PCSK2: variants seen among roughly 807,000 people sequenced by gnomAD.
The protein encoded by PCSK2 is neuroendocrine convertase 2.
Under a neutral mutation model 69.7 loss-of-function variants are expected in PCSK2, and 14 were observed. The ratio of observed to expected loss-of-function variants is 0.20; its 90% CI spans 0.13 to 0.31. The LOEUF is 0.31. Ranked by LOEUF, PCSK2 falls within the 10% of genes least tolerant of loss-of-function variation. The pLI is 1.00. For synonymous variants in PCSK2, 307 were observed against 320.7 expected (o/e 0.96, Z 0.46); for missense variants, 544 against 842.5 (o/e 0.65, Z 4.39).
At position 17,482,157 on chromosome 20, in the gene PCSK2, C is replaced by G; in HGVS notation, c.*87C>G. 3.2e-6 allele frequency: 4 copies of G among 1,261,722 alleles called. No individual in the cohort carries two copies. Among genetic ancestry groups the G allele is most frequent in the Non-Finnish European group, 4.3e-6 (4 of 929,430 alleles). 78.2% of individuals were successfully genotyped at this position (1,261,722 alleles called of 1,614,324 possible). On this transcript the variant is annotated 3_prime_UTR_variant, in exon 12 of 12. Transcript: ENST00000262545. ...CGTTTCAGGCAGGCACCTAGCAATT[C>G]CATCACCCGTACAGGCAATTCCGTC... is the stretch of plus-strand genomic sequence containing the variant.
At chr20:17,410,160 G>C (rs180811250) in intron 6 of PCSK2, among the ~76,000 whole-genome samples, 28 of 152,012 alleles carry the variant, frequency 1.8e-4, no homozygotes, top group Non-Finnish European at 1.9e-4. Flanking sequence ...ACTCTAAGTA[G>C]CACATAAAAC....
intron 11 of PCSK2, among the ~76,000 whole-genome samples, chr20:17,480,306 C>T (rs1027201101): frequency 6.6e-6 from 1 of 151,210 alleles, no homozygotes; most frequent in African/African-American, 2.4e-5. Flanking sequence ...TTTCCCGCCT[C>T]AGCCTCCCAA....
At chr20:17,263,438 A>G (rs926446871) in intron 2 of PCSK2, among the ~76,000 whole-genome samples, 1 of 152,256 alleles carries the variant, frequency 6.6e-6, no homozygotes, top group Admixed American at 6.5e-5. Context: ...GCTAAAAAGC[A>G]AAAGTTGTGT....
chr20:17,467,350 T>C (rs980874261), intron 11 of PCSK2, among the ~76,000 whole-genome samples: 2 of 152,250 alleles, frequency 1.3e-5, no homozygotes, highest in African/African-American at 2.4e-5. Flanking sequence ...AAACCAATTA[T>C]GTTGAAACCA....
chr20:17,308,776 C>T (rs537418139), intron 2 of PCSK2, among the ~76,000 whole-genome samples: 3 of 152,196 alleles, frequency 2.0e-5, no homozygotes, highest in South Asian at 2.1e-4. Context: ...CTGGGGTTTT[C>T]GTGGGAGCAT....
At chr20:17,292,758 C>T (rs1988740940) in intron 2 of PCSK2, among the ~76,000 whole-genome samples, 1 of 152,042 alleles carries the variant, frequency 6.6e-6, no homozygotes, top group Non-Finnish European at 1.5e-5. Context: ...TCCTGTAGGT[C>T]TAGTCTCAAG....
intron 8 of PCSK2, among the ~76,000 whole-genome samples, chr20:17,448,499 G>A (rs6044826): frequency 1.6e-4 from 24 of 152,272 alleles, no homozygotes; most frequent in African/African-American, 5.8e-4. Flanking sequence ...GGCTACTTAA[G>A]GCCATGCCCA....
At chr20:17,470,739 C>T (rs574483201) in intron 11 of PCSK2, among the ~76,000 whole-genome samples, 40 of 152,322 alleles carry the variant, frequency 2.6e-4, no homozygotes, top group African/African-American at 8.7e-4. Context: ...ACGGCCTTAA[C>T]TCCAATGTCC....
intron 2 of PCSK2, among the ~76,000 whole-genome samples, chr20:17,337,497 G>A (rs1041827296): frequency 6.6e-6 from 1 of 152,124 alleles, no homozygotes; most frequent in Non-Finnish European, 1.5e-5. Flanking sequence ...GATGAGAACA[G>A]GATGCAGCAA....
intron 5 of PCSK2, among the ~76,000 whole-genome samples, chr20:17,402,371 T>C (rs1323108762): frequency 3.9e-5 from 6 of 152,144 alleles, no homozygotes. Context: ...GCTGCTTAGC[T>C]CTGGTAAATA....
At chr20:17,410,053 G>A (rs1313265456) in intron 6 of PCSK2, among the ~76,000 whole-genome samples, 3 of 152,086 alleles carry the variant, frequency 2.0e-5, no homozygotes, top group Non-Finnish European at 4.4e-5. Context: ...TGACGTCCTT[G>A]GGTGAAGTTC....
chr20:17,255,759 A>G (rs1987155476), intron 1 of PCSK2, among the ~76,000 whole-genome samples: 1 of 152,184 alleles, frequency 6.6e-6, no homozygotes, highest in Non-Finnish European at 1.5e-5. Context: ...TATATTTATT[A>G]TAGTAATTGA....
At chr20:17,371,421 T>C (rs933122985) in intron 5 of PCSK2, among the ~76,000 whole-genome samples, 2 of 152,236 alleles carry the variant, frequency 1.3e-5, no homozygotes, top group Non-Finnish European at 2.9e-5. Flanking sequence ...AACCTCCATA[T>C]TGAGCCGTGC....
At chr20:17,290,673 T>A (rs1988667145) in intron 2 of PCSK2, among the ~76,000 whole-genome samples, 1 of 152,210 alleles carries the variant, frequency 6.6e-6, no homozygotes, top group Admixed American at 6.5e-5. Flanking sequence ...TTAAATTATA[T>A]TTATGTGGGA....
intron 2 of PCSK2, among the ~76,000 whole-genome samples, chr20:17,320,054 TG>T (rs1302884026): frequency 1.1e-4 from 17 of 152,206 alleles, no homozygotes; most frequent in African/African-American, 3.9e-4. Flanking sequence ...AGAGCTCAGG[TG>T]GGCAGGTAAA....
intron 2 of PCSK2, among the ~76,000 whole-genome samples, chr20:17,312,481 G>T (rs143914786): frequency 1.7e-3 from 256 of 152,180 alleles, no homozygotes; most frequent in Non-Finnish European, 2.8e-3. Context: ...ATTAATATTT[G>T]TAGTGAACAA....
Position 17,303,535 on chromosome 20 carries a change from TA to T in PCSK2, c.282+43192del, listed in dbSNP as rs1568593905. On this transcript the variant is annotated intron_variant, in intron 2 of 11. Coordinates refer to ENST00000262545, the MANE Select transcript of PCSK2 (RefSeq NM_002594.5). ...ATATATAATATAATATATATTATAT[TA>T]TATATAATATGATATAATATATATT... Among the ~76,000 whole-genome samples the T allele has an allele frequency of 6.9e-4, 23 of 33,324 alleles. 1 individual carries two copies. The East Asian group carries it at 0.032, about 46-fold the overall frequency. 21.9% of individuals were successfully genotyped at this position (33,324 alleles called of 152,430 possible).
chr20:17,239,508 A>G (rs1986474312), intron 1 of PCSK2, among the ~76,000 whole-genome samples: 1 of 152,176 alleles, frequency 6.6e-6, no homozygotes, highest in African/African-American at 2.4e-5. Flanking sequence ...GAGGTTTGTC[A>G]TTAACCCAAA....
In PCSK2 at chr20:17,456,381, A is replaced by T; in HGVS notation, c.1135A>T (p.Arg379Trp). The T allele has an allele frequency of 6.2e-7, 1 of 1,612,678 alleles. No individual in the cohort carries two copies. Among genetic ancestry groups the T allele is most frequent in the Non-Finnish European group, 8.5e-7 (1 of 1,178,680 alleles). Reference sequence around the variant, plus strand: ...AGATTTGTACGGCAACTGCACTCTGAGGCATTCTGGGACATCTGCAGCTGC... The same window carrying T: ...AGATTTGTACGGCAACTGCACTCTGTGGCATTCTGGGACATCTGCAGCTGC... The part of the protein sequence containing the change: ...TTDLYGNCTL[R>W]HSGTSAAAPE... The change falls in exon 10 of 12, where the codon AGG (arginine) becomes TGG (tryptophan). Residue 379 changes from arginine to tryptophan, a missense_variant. This residue lies in a region of PCSK2 where 187 missense variants were observed against 399.8 expected (regional missense o/e 0.47). Coordinates refer to ENST00000262545, the MANE Select transcript of PCSK2 (RefSeq NM_002594.5).
Sources: gnomAD v4.1 joint callset for allele counts (sites outside exome capture counted in the v4.1 genomes callset) on GRCh38, gnomAD v4.1.1 for gene constraint, gnomAD v4.1.1 regional missense constraint, MANE v1.5 for transcripts, NCBI Gene and HGNC (gene_info 2026-07-23, HGNC 2026-07-21) for gene names.